Variants in C1QTNF8 observed in about 807,000 individuals in gnomAD.
C1QTNF8 encodes C1q and TNF related 8.
Under a neutral mutation model 19.2 loss-of-function variants are expected in C1QTNF8, and 27 were observed. The observed-to-expected ratio is 1.41, with a 90% CI of 1.04 to 1.94. The LOEUF is 1.94. C1QTNF8 is among the 30% of genes most tolerant of loss of function. The pLI is 0.00. For synonymous variants in C1QTNF8, 208 were observed against 172.8 expected (o/e 1.20, Z -1.60); for missense variants, 484 against 374.4 (o/e 1.29, Z -2.42).
At chr16:1,094,645 G>T (rs1960645204) in intron 3 of C1QTNF8, 70 bp downstream of exon 3, 2 of 1,349,030 alleles carry the variant, frequency 1.5e-6, no homozygotes, top group Non-Finnish European at 2.0e-6. Flanking sequence ...CAAGCCCCAG[G>T]TGCTCCCCAC....
In C1QTNF8 at chr16:1,094,884, CAGCAGCAGTGCTAGG is replaced by C. The variant is rs1335586736; in HGVS notation, c.24_38del (p.Leu9_Leu13del). ...GCAGCCCGGGCCAGGCCCCCACGGGCAGCAGCAGTGCTAGGAGCAGCAGGGCGGGGGCTGCCATCT... is the reference window on the plus strand; with the variant it reads ...GCAGCCCGGGCCAGGCCCCCACGGGCAGCAGCAGGGCGGGGGCTGCCATCT... On this transcript the variant is annotated inframe_deletion, in exon 3 of 5. Transcript: ENST00000328449. 2.9e-6 allele frequency: 4 copies of C among 1,391,006 alleles called. No homozygotes were observed. In the African/African-American group the frequency reaches 4.5e-5, roughly 16 times the overall value. 86.2% of individuals were successfully genotyped at this position (1,391,006 alleles called of 1,614,324 possible).
In C1QTNF8 at chr16:1,092,424, C is replaced by T. The variant is rs551339175; in HGVS notation, c.*4+1073G>A. Among the ~76,000 whole-genome samples, 13 of 150,504 alleles carry T rather than the reference C, an allele frequency of 8.6e-5. No homozygotes were observed. In the South Asian group the frequency reaches 2.7e-3, roughly 32 times the overall value. ...TCGGCGCTCAATCAATCACTGCACA[C>T]AGTCGGCACTCAACCAATCACAGCA... On this transcript the variant is annotated intron_variant, in intron 4 of 4. Transcript: ENST00000328449.
Position 1,093,626 on chromosome 16 carries a change from C to T in C1QTNF8, c.634G>A (p.Ala212Thr), listed in dbSNP as rs771668408. 3 of 1,608,816 alleles carry T rather than the reference C, an allele frequency of 1.9e-6. No homozygotes were observed. Among genetic ancestry groups the T allele is most frequent in the African/African-American group, 2.7e-5 (2 of 74,916 alleles). The change falls in exon 4 of 5, where the codon GCG becomes ACG. Residue 212 changes from alanine (A) to threonine (T), a missense_variant. Transcript: ENST00000328449. ...MQAQSLMLLLAAGDAVWVRMF... is the reference protein window; with the variant it reads ...MQAQSLMLLLTAGDAVWVRMF... ...CGCACCCAGACGGCGTCGCCCGCCG[C>T]CAGCAGCAGCATCAGGCTCTGGGCC...
At chr16:1,094,180 T>C (rs1183734476) in intron 3 of C1QTNF8, 129 bp from the exon 4 acceptor site, 1 of 690,778 alleles carries the variant, frequency 1.4e-6, no homozygotes, top group Non-Finnish European at 2.1e-6. Flanking sequence ...TGACGGCCCC[T>C]CTCCCAGTCT....
In C1QTNF8 at chr16:1,088,471, G is replaced by A. The variant is rs914789468; in HGVS notation, c.*2128C>T. ...GTCTCCTAAGTGGCCAGGGCAGCAC[G>A]AGGCTGTCGCTGCTTTTCGTGTCTC... On this transcript the variant is annotated 3_prime_UTR_variant, in exon 5 of 5. Transcript: ENST00000328449. 3.9e-5 allele frequency among the ~76,000 whole-genome samples: 6 copies of A among 152,208 alleles called. No homozygotes were observed. Among genetic ancestry groups the A allele is most frequent in the African/African-American group, 1.2e-4 (5 of 41,446 alleles).
rs1567393047 is a variant in C1QTNF8 at position 1,093,650 on chromosome 16, C to A, written c.610G>T (p.Ala204Ser). 1 of 1,608,094 alleles carries A rather than the reference C, an allele frequency of 6.2e-7. No individual in the cohort carries two copies. Among genetic ancestry groups the A allele is most frequent in the Non-Finnish European group, 8.5e-7 (1 of 1,176,910 alleles). ...GCCAGCAGCAGCATCAGGCTCTGGG[C>A]CTGCATGACGCTGCGCTCGCTGGGC... ...AQPSERSVMQAQSLMLLLAAG... is the reference protein window; with the variant it reads ...AQPSERSVMQSQSLMLLLAAG... Residue 204 changes from alanine (A) to serine (S), a missense_variant, in exon 4 of 5, where the codon GCC (alanine) becomes TCC (serine). Coordinates refer to ENST00000328449, the MANE Select transcript of C1QTNF8 (RefSeq NM_207419.3).
intron 4 of C1QTNF8, among the ~76,000 whole-genome samples, chr16:1,092,964 G>A (rs1389365729): frequency 2.3e-5 from 2 of 85,354 alleles, no homozygotes; most frequent in African/African-American, 4.0e-5. Context: ...CACAGTCGGC[G>A]CTCAACCAAT....
At position 1,089,564 on chromosome 16, in the gene C1QTNF8, C is replaced by G. The variant is rs1363061289; in HGVS notation, c.*1035G>C. 3.3e-5 allele frequency among the ~76,000 whole-genome samples: 5 copies of G among 152,208 alleles called. No individual in the cohort carries two copies. In the East Asian group the frequency reaches 9.6e-4, roughly 29 times the overall value. ...GGCAGAGCTGGCAGGGACACGGGCT[C>G]TGTGTGGGGTGGGCGGGACGTGGCT... On this transcript the variant is annotated 3_prime_UTR_variant, in exon 5 of 5. Transcript: ENST00000328449.
At chr16:1,095,095 G>T (rs1960656815) in intron 2 of C1QTNF8, among the ~76,000 whole-genome samples, 162 bp from the exon 3 acceptor site, 1 of 152,230 alleles carries the variant, frequency 6.6e-6, no homozygotes, top group Non-Finnish European at 1.5e-5. Flanking sequence ...TGAGGCCAAG[G>T]CCGAGGCTCA....
rs368546737 is a variant in C1QTNF8, at chr16:1,093,665, G to A, written c.595C>T (p.Arg199Cys). 2.5e-6 allele frequency: 4 copies of A among 1,609,596 alleles called. No homozygotes were observed. The Admixed American group carries it at 6.7e-5, about 27-fold the overall frequency. The stretch of plus-strand genomic sequence containing the variant: ...AGGCTCTGGGCCTGCATGACGCTGC[G>A]CTCGCTGGGCTGCGCGTAGAGCACG... ...AAVLYAQPSE[R>C]SVMQAQSLML... Residue 199 changes from arginine (R) to cysteine (C), a missense_variant, in exon 4 of 5, where the codon CGC becomes TGC. Physicochemically the swap from Arg to Cys is radical, Grantham distance 180 (BLOSUM62 -3). Coordinates refer to ENST00000328449, the MANE Select transcript of C1QTNF8 (RefSeq NM_207419.3).
At chr16:1,095,548 G>A (rs1006388884) in intron 2 of C1QTNF8, 67 bp downstream of exon 2, 1 of 152,238 alleles carries the variant, frequency 6.6e-6, no homozygotes, top group Non-Finnish European at 1.5e-5. Context: ...CCTGAGCAAG[G>A]TAGGCCCCCT....
Position 1,094,791 on chromosome 16 carries a change from GTCAC to G in C1QTNF8, c.128_131del (p.Ser43ThrfsTer20). ...ACAGGTCCCCCCTCCACAGGTCCCT[GTCAC>G]TCACCCGGGCATAGGGTCCAGGGGG... is the stretch of plus-strand genomic sequence containing the variant. On this transcript the variant is annotated frameshift_variant, in exon 3 of 5. Coordinates refer to ENST00000328449, the MANE Select transcript of C1QTNF8 (RefSeq NM_207419.3). LOFTEE classifies it high-confidence loss of function. The G allele has an allele frequency of 6.5e-7, 1 of 1,537,148 alleles. No individual in the cohort carries two copies. The highest frequency in any genetic ancestry group is 1.4e-5 in the African/African-American group (1 of 70,704).
intron 4 of C1QTNF8, among the ~76,000 whole-genome samples, chr16:1,091,699 G>A (rs184858198): frequency 1.2e-3 from 177 of 152,230 alleles, no homozygotes; most frequent in Non-Finnish European, 1.7e-3. Context: ...GGCTTCCTCC[G>A]GCTCTGGTGC....
chr16:1,090,939 C>T (rs533570206), intron 4 of C1QTNF8, among the ~76,000 whole-genome samples: 23 of 152,332 alleles, frequency 1.5e-4, no homozygotes, highest in African/African-American at 4.8e-4. Flanking sequence ...CCTCCCTCCT[C>T]GGCTGGCCCC....
At chr16:1,093,400 C>CCACA in intron 4 of C1QTNF8, 97 bp downstream of exon 4, 2 of 604,278 alleles carry the variant, frequency 3.3e-6, no homozygotes, top group South Asian at 2.4e-5. Flanking sequence ...CCACACCCAC[C>CCACA]CACACACACA....
chr16:1,093,616 T>C lies in C1QTNF8; in HGVS notation c.644A>G (p.Asp215Gly). The C allele has an allele frequency of 6.2e-7, 1 of 1,605,354 alleles. No homozygotes were observed. The highest frequency in any genetic ancestry group is 8.5e-7 in the Non-Finnish European group (1 of 1,176,320). ...CTGGAACATGCGCACCCAGACGGCG[T>C]CGCCCGCCGCCAGCAGCAGCATCAG... ...QSLMLLLAAG[D>G]AVWVRMFQRD... Residue 215 changes from aspartate (D) to glycine (G), a missense_variant, in exon 4 of 5, where the codon GAC becomes GGC. Coordinates refer to ENST00000328449, the MANE Select transcript of C1QTNF8 (RefSeq NM_207419.3).
At chr16:1,092,458 T>G (rs1434297773) in intron 4 of C1QTNF8, among the ~76,000 whole-genome samples, 134 of 106,372 alleles carry the variant, frequency 1.3e-3, no homozygotes, top group East Asian at 2.5e-3. Flanking sequence ...CACACAGTCG[T>G]CGCTCAACCA....
At position 1,094,853 on chromosome 16, in the gene C1QTNF8, T is replaced by C. The variant is rs778555405; in HGVS notation, c.70A>G (p.Arg24Gly). 1 of 1,424,998 alleles carries C rather than the reference T, an allele frequency of 7.0e-7. No homozygotes were observed. Among genetic ancestry groups the C allele is most frequent in the Admixed American group, 2.8e-5 (1 of 36,024 alleles). The allele number at this position is 1,424,998 out of a possible 1,614,324, so 88.3% of individuals were successfully genotyped here. The change falls in exon 3 of 5, where the codon AGG (arginine) becomes GGG (glycine). Residue 24 changes from arginine to glycine, a missense_variant. Arg to Gly is a moderately radical substitution (Grantham distance 125, BLOSUM62 -2). Coordinates refer to ENST00000328449, the MANE Select transcript of C1QTNF8 (RefSeq NM_207419.3). ...PVGAWPGLPRRPCVHCCRPAW... is the reference protein window; with the variant it reads ...PVGAWPGLPRGPCVHCCRPAW... ...GGGCGGCAGCAGTGCACACAGGGCC[T>C]CCTGGGCAGCCCGGGCCAGGCCCCC... is the stretch of plus-strand genomic sequence containing the variant.
At chr16:1,092,410 T>C (rs112715481) in intron 4 of C1QTNF8, among the ~76,000 whole-genome samples, 190 of 101,036 alleles carry the variant, frequency 1.9e-3, no homozygotes, top group Middle Eastern at 0.012. Context: ...CGGCGCTCAA[T>C]CAATCACTGC....
Sources: gnomAD v4.1 joint callset for allele counts (sites outside exome capture counted in the v4.1 genomes callset) on GRCh38, gnomAD v4.1.1 for gene constraint, MANE v1.5 for transcripts, NCBI Gene and HGNC (gene_info 2026-07-23, HGNC 2026-07-21) for gene names.